ASTN1: variants seen among roughly 807,000 people sequenced by gnomAD.
The protein encoded by ASTN1 is astrotactin-1.
Under a neutral mutation model 140.7 loss-of-function variants are expected in ASTN1, and 41 were observed. The ratio of observed to expected loss-of-function variants is 0.29; its 90% CI spans 0.23 to 0.38. The LOEUF (loss-of-function observed/expected upper bound fraction) is 0.38. ASTN1 is among the 10% of genes least tolerant of loss of function. The pLI, the probability that ASTN1 is intolerant of heterozygous loss-of-function variation, is 1.00. For synonymous variants in ASTN1, 640 were observed against 652.2 expected, an observed-to-expected ratio of 0.98 and a Z score of 0.29; for missense variants, 1,479 against 1,678.8, an observed-to-expected ratio of 0.88 and a Z score of 2.08.
chr1:176,910,712 C>T (rs1020382164), intron 16 of ASTN1, among the ~76,000 whole-genome samples: 2 of 152,270 alleles, frequency 1.3e-5, no homozygotes, highest in East Asian at 1.9e-4. Flanking sequence ...GCACAGGGGT[C>T]CCCAACCCCC....
intron 21 of ASTN1, among the ~76,000 whole-genome samples, chr1:176,875,162 A>C (rs1277302790): frequency 2.0e-5 from 3 of 152,210 alleles, no homozygotes; most frequent in Non-Finnish European, 4.4e-5. Context: ...GATTTGCAGA[A>C]TAAGAGGTGT....
chr1:176,896,218 G>A lies in ASTN1; in HGVS notation c.2672-1388C>T, dbSNP rs1193542820. 3.9e-5 allele frequency among the ~76,000 whole-genome samples: 6 copies of A among 152,276 alleles called. No individual in the cohort carries two copies. The East Asian group carries it at 7.7e-4, about 20-fold the overall frequency. On this transcript the variant is annotated intron_variant, in intron 16 of 22. Transcript: ENST00000361833. ...ACAATGAGGAAGTTTTACCTAGCAC[G>A]TTAAGGCAAAGGACTCTATGACTAT...
chr1:176,894,815 T>G lies in ASTN1; in HGVS notation c.2687A>C (p.Asp896Ala), dbSNP rs74918316. Residue 896 changes from aspartate (D) to alanine (A), a missense_variant, in exon 17 of 23, where the codon GAT (aspartate) becomes GCT (alanine). Around this residue, in one of 3 missense-constraint regions of ASTN1, gnomAD observed 746 missense variants for 800.9 expected, o/e 0.93. Coordinates refer to ENST00000361833, the MANE Select transcript of ASTN1 (RefSeq NM_004319.3). Reference protein sequence around the residue: ...EDISKGNSPSDESEERERDPK... With the variant: ...EDISKGNSPSAESEERERDPK... ...GTCTCTTTCCCGCTCCTCAGACTCATCTGATGGGGAGTTGCCTGCAGACAC... is the reference window on the plus strand; with the variant it reads ...GTCTCTTTCCCGCTCCTCAGACTCAGCTGATGGGGAGTTGCCTGCAGACAC... 6.2e-7 allele frequency: 1 copy of G among 1,613,900 alleles called. No individual in the cohort carries two copies. The highest frequency in any genetic ancestry group is 1.3e-5 in the African/African-American group (1 of 75,056).
chr1:176,942,859 T>TATATATATATATATATAC (rs1557978139), intron 14 of ASTN1, among the ~76,000 whole-genome samples: 14 of 104,136 alleles, frequency 1.3e-4, no homozygotes, highest in Non-Finnish European at 2.6e-4. Context: ...TATATATATA[T>TATATATATATATATATAC]ATATATAGAT....
At chr1:176,899,932 T>G (rs1032649443) in intron 16 of ASTN1, among the ~76,000 whole-genome samples, 7 of 152,314 alleles carry the variant, frequency 4.6e-5, no homozygotes, top group African/African-American at 1.7e-4. Flanking sequence ...CTGACCATCT[T>G]TTTCTCCACT....
downstream of ASTN1, among the ~76,000 whole-genome samples, chr1:176,858,065 C>A (rs1403561924): frequency 1.3e-5 from 2 of 152,060 alleles, no homozygotes; most frequent in African/African-American, 4.8e-5. Context: ...AGTAAGGAAT[C>A]CATTACACTA....
chr1:177,164,470 C>G lies in ASTN1; in HGVS notation c.207G>C (p.Ser69=). 6.2e-7 allele frequency: 1 copy of G among 1,613,890 alleles called. No individual in the cohort carries two copies. The highest frequency in any genetic ancestry group is 8.5e-7 in the Non-Finnish European group (1 of 1,179,920). ...TTTCTCCCGGGAAGTCGTTGCGCAC[C>G]GAGAAGAGGAGCTTGGGCTCCGAGG... ...PSASEPKLLF[S]VRNDFPGEMV... is the part of the protein sequence containing the mutation. The change falls in exon 1 of 23, where the codon TCG becomes TCC. Residue 69 remains serine, a synonymous_variant. Transcript: ENST00000361833.
At chr1:176,988,333 A>T (rs1405675240) in intron 8 of ASTN1, among the ~76,000 whole-genome samples, 1 of 150,954 alleles carries the variant, frequency 6.6e-6, no homozygotes, top group African/African-American at 2.4e-5. Flanking sequence ...AAAAAAAAAA[A>T]CCTTTCCTTT....
intron 8 of ASTN1, among the ~76,000 whole-genome samples, chr1:177,011,248 T>A (rs934163531): frequency 2.4e-4 from 37 of 152,218 alleles, no homozygotes; most frequent in African/African-American, 8.4e-4. Context: ...AAATTCTCCA[T>A]GAAACCCTAT....
At chr1:176,885,424 T>C (rs1668994605) in intron 18 of ASTN1, among the ~76,000 whole-genome samples, 1 of 152,236 alleles carries the variant, frequency 6.6e-6, no homozygotes, top group Admixed American at 6.5e-5. Flanking sequence ...ATTTCTTGTA[T>C]GTGCCTCAGG....
chr1:177,139,980 T>C (rs1415348861), intron 1 of ASTN1, among the ~76,000 whole-genome samples: 3 of 152,166 alleles, frequency 2.0e-5, no homozygotes, highest in African/African-American at 2.4e-5. Context: ...TATTTGCAAA[T>C]AGGCCAAAGC....
At chr1:177,096,869 A>G (rs1372802474) in intron 1 of ASTN1, among the ~76,000 whole-genome samples, 1 of 152,092 alleles carries the variant, frequency 6.6e-6, no homozygotes, top group Non-Finnish European at 1.5e-5. Context: ...GGACAAATAC[A>G]ATGCCCTTAT....
intron 21 of ASTN1, among the ~76,000 whole-genome samples, chr1:176,875,362 C>T (rs1195769140): frequency 6.6e-6 from 1 of 152,076 alleles, no homozygotes; most frequent in Non-Finnish European, 1.5e-5. Flanking sequence ...CCTAATTTAC[C>T]TGTTTAATAT....
intron 9 of ASTN1, among the ~76,000 whole-genome samples, chr1:176,962,821 A>G (rs2101845772): frequency 6.6e-6 from 1 of 152,304 alleles, no homozygotes; most frequent in South Asian, 2.1e-4. Flanking sequence ...ACTCTCATAG[A>G]CAGCCAGGGT....
downstream of ASTN1, among the ~76,000 whole-genome samples, chr1:176,859,069 G>A (rs747378897): frequency 2.0e-5 from 3 of 152,186 alleles, no homozygotes; most frequent in Non-Finnish European, 4.4e-5. Flanking sequence ...TAATAAGTAT[G>A]GGGTATGCAC....
At chr1:176,965,531 A>G (rs1236792126) in intron 8 of ASTN1, among the ~76,000 whole-genome samples, 2 of 152,258 alleles carry the variant, frequency 1.3e-5, no homozygotes, top group Non-Finnish European at 2.9e-5. Context: ...CATATTCATA[A>G]TTCATGGTCC....
intron 16 of ASTN1, among the ~76,000 whole-genome samples, chr1:176,925,891 T>C (rs1220738810): frequency 4.0e-5 from 6 of 151,868 alleles, no homozygotes; most frequent in South Asian, 4.2e-4. Flanking sequence ...CTGTAAGCTC[T>C]GCCTCCCGGG....
chr1:176,945,858 A>G, intron 13 of ASTN1, 68 bp downstream of exon 13: 1 of 1,438,788 alleles, frequency 7.0e-7, no homozygotes. Context: ...GCTTTATGCT[A>G]GTGCAAACTC....
At chr1:176,972,387 A>C (rs1484436106) in intron 8 of ASTN1, among the ~76,000 whole-genome samples, 1 of 152,220 alleles carries the variant, frequency 6.6e-6, no homozygotes, top group Non-Finnish European at 1.5e-5. Context: ...GCAAACACAG[A>C]TATGGAGCCA....
Sources: allele counts gnomAD v4.1 joint callset (sites outside exome capture counted in the v4.1 genomes callset), GRCh38; gene constraint gnomAD v4.1.1; regional missense constraint gnomAD v4.1.1; transcripts MANE v1.5; gene names NCBI Gene and HGNC (gene_info 2026-07-23, HGNC 2026-07-21).